Variants in OTOA observed in about 807,000 individuals in gnomAD.
The protein encoded by OTOA is otoancorin, also known as cancer/testis antigen 108.
A neutral mutation model predicts 110.8 loss-of-function variants in OTOA; 70 were observed. The observed-to-expected ratio is 0.63, with a 90% CI of 0.52 to 0.77. OTOA has a LOEUF of 0.77. OTOA is among the 30% of genes least tolerant of loss of function. OTOA has a pLI of 0.00. For synonymous variants in OTOA, 373 were observed against 431.5 expected, an observed-to-expected ratio of 0.86 and a Z score of 1.68; for missense variants, 917 against 1,075.8, an observed-to-expected ratio of 0.85 and a Z score of 2.06.
intron 1 of OTOA, among the ~76,000 whole-genome samples, chr16:21,674,508 A>C (rs1212942900): frequency 2.0e-5 from 3 of 151,856 alleles, no homozygotes; most frequent in African/African-American, 7.3e-5. Context: ...TAATATTTGT[A>C]TTTTTAGTAG....
At position 21,728,371 on chromosome 16, in the gene OTOA, G is replaced by T; in HGVS notation, c.2147G>T (p.Cys716Phe). The T allele has an allele frequency of 1.2e-6, 2 of 1,614,134 alleles. No individual in the cohort carries two copies. The highest frequency in any genetic ancestry group is 1.7e-6 in the Non-Finnish European group (2 of 1,180,008). The change falls in exon 20 of 29, where the codon TGC (cysteine) becomes TTC (phenylalanine). Residue 716 changes from cysteine to phenylalanine, a missense_variant. Physicochemically the swap from Cys to Phe is radical, Grantham distance 205. This residue lies in a region of OTOA where 840 missense variants were observed against 910.2 expected (regional missense o/e 0.92). Coordinates refer to ENST00000646100, the MANE Select transcript of OTOA (RefSeq NM_144672.4). ...WATALHGLRD[C>F]PDLNPEQKAA... Reference sequence around the variant, plus strand: ...ACTGCTCTACACGGCCTCAGAGACTGCCCAGACCTCAACCCTGAGCAAAAG... The same window carrying T: ...ACTGCTCTACACGGCCTCAGAGACTTCCCAGACCTCAACCCTGAGCAAAAG...
In OTOA at chr16:21,760,632, G is replaced by A; in HGVS notation, c.*92G>A. 8.6e-7 allele frequency: 1 copy of A among 1,157,626 alleles called. No homozygotes were observed. The highest frequency in any genetic ancestry group is 1.3e-6 in the Non-Finnish European group (1 of 794,756). The allele number at this position is 1,157,626 out of a possible 1,614,324, so 71.7% of individuals were successfully genotyped here. A position where few individuals can be genotyped will look rare whatever the true frequency, so the allele number is the denominator to read the frequency against. On this transcript the variant is annotated 3_prime_UTR_variant, in exon 29 of 29. Coordinates refer to ENST00000646100, the MANE Select transcript of OTOA (RefSeq NM_144672.4). The stretch of plus-strand genomic sequence containing the variant: ...CCAGATGGTGGGACACCCTTCCCTG[G>A]ATCCAGACCCTCATCTAGGGCAGGG...
Position 21,681,798 on chromosome 16 carries a change from T to A in OTOA, c.240T>A (p.Asn80Lys). 1 of 1,614,074 alleles carries A rather than the reference T, an allele frequency of 6.2e-7. No homozygotes were observed. Among genetic ancestry groups the A allele is most frequent in the Non-Finnish European group, 8.5e-7 (1 of 1,179,964 alleles). Residue 80 changes from asparagine (N) to lysine (K), a missense_variant, in exon 6 of 29, where the codon AAT becomes AAA. Asn to Lys is a moderately conservative substitution (Grantham distance 94). Around this residue, in one of 6 missense-constraint regions of OTOA, gnomAD observed 840 missense variants for 910.2 expected, o/e 0.92. Transcript: ENST00000646100. ...HRVLAYLNSR[N>K]VAFTIPSLQA... ...TCCTGGCCTATCTGAATTCCCGGAA[T>A]GTTGCCTTCACCATCCCCAGCCTGC... is the stretch of plus-strand genomic sequence containing the variant.
At chr16:21,707,129 T>C (rs1597826603) in intron 12 of OTOA, among the ~76,000 whole-genome samples, 1 of 152,074 alleles carries the variant, frequency 6.6e-6, no homozygotes, top group East Asian at 1.9e-4. Context: ...CCTCCCAAAG[T>C]ACTGGGATTA....
At chr16:21,684,612 C>T in intron 6 of OTOA, 1 of 1,404,902 alleles carries the variant, frequency 7.1e-7, no homozygotes, top group East Asian at 2.5e-5. Context: ...CAACAAGCAG[C>T]TGTCCCTTGG....
At chr16:21,707,880 T>C (rs985580342) in intron 12 of OTOA, among the ~76,000 whole-genome samples, 1 of 149,488 alleles carries the variant, frequency 6.7e-6, no homozygotes, top group Non-Finnish European at 1.5e-5. Flanking sequence ...CTGCAACCTC[T>C]GCCTCCCAGG....
chr16:21,715,164 A>G lies in OTOA; in HGVS notation c.1488+12A>G, dbSNP rs747726713. ...GTATCCTCAGCAAGGTGAGAGGAAGATGTCTGGTGCTCAGCCACATGTCAC... is the reference window on the plus strand; with the variant it reads ...GTATCCTCAGCAAGGTGAGAGGAAGGTGTCTGGTGCTCAGCCACATGTCAC... On this transcript the variant is annotated intron_variant, in intron 14 of 28. Coordinates refer to ENST00000646100, the MANE Select transcript of OTOA (RefSeq NM_144672.4). 6.2e-7 allele frequency: 1 copy of G among 1,614,022 alleles called. No homozygotes were observed. The highest frequency in any genetic ancestry group is 1.1e-5 in the South Asian group (1 of 91,084).
At chr16:21,734,645 G>A (rs1291755629) in intron 21 of OTOA, among the ~76,000 whole-genome samples, 5 of 151,994 alleles carry the variant, frequency 3.3e-5, no homozygotes, top group Admixed American at 2.0e-4. Context: ...GACCGTCCTG[G>A]CTAAGAGGGT....
intron 9 of OTOA, among the ~76,000 whole-genome samples, chr16:21,695,889 ATAT>A (rs1294669927): frequency 3.1e-5 from 2 of 63,644 alleles, no homozygotes; most frequent in Admixed American, 4.1e-4. Context: ...ATATATATAT[ATAT>A]TTTTTTTTTT....
At chr16:21,666,261 T>TTTTTTTC (rs1966840163) in intron 1 of OTOA, among the ~76,000 whole-genome samples, 1 of 150,552 alleles carries the variant, frequency 6.6e-6, no homozygotes, top group African/African-American at 2.4e-5. Context: ...TTTTTTTTTT[T>TTTTTTTC]GGTGGAAAAT....
chr16:21,706,765 A>G (rs1898179379), intron 12 of OTOA, among the ~76,000 whole-genome samples: 1 of 152,052 alleles, frequency 6.6e-6, no homozygotes, highest in Non-Finnish European at 1.5e-5. Context: ...ACATCACCAT[A>G]AAGTCCCCAA....
Position 21,719,163 on chromosome 16 carries a change from A to C in OTOA, c.1660A>C (p.Thr554Pro). The C allele has an allele frequency of 6.2e-7, 1 of 1,614,040 alleles. No individual in the cohort carries two copies. The highest frequency in any genetic ancestry group is 8.5e-7 in the Non-Finnish European group (1 of 1,180,016). Residue 554 changes from threonine to proline, a missense_variant, in exon 16 of 29, where the codon ACC becomes CCC. This residue lies in a region of OTOA where 840 missense variants were observed against 910.2 expected (regional missense o/e 0.92). Coordinates refer to ENST00000646100, the MANE Select transcript of OTOA (RefSeq NM_144672.4). The stretch of plus-strand genomic sequence containing the variant: ...GTTCCTGTATGAGCTTCTGTTAAAG[A>C]CCACCAGAAGGCCTGAGGAGCTTTT... ...ALFLYELLLK[T>P]TRRPEELLSA...
intron 1 of OTOA, among the ~76,000 whole-genome samples, chr16:21,669,411 T>A (rs1966846201): frequency 6.6e-6 from 1 of 151,876 alleles, no homozygotes; most frequent in Non-Finnish European, 1.5e-5. Context: ...ACTGACTATC[T>A]CTGTTTAGAT....
intron 18 of OTOA, among the ~76,000 whole-genome samples, chr16:21,725,294 T>C (rs974321652): frequency 6.6e-6 from 1 of 152,050 alleles, no homozygotes; most frequent in Non-Finnish European, 1.5e-5. Context: ...TTTTTGTTGT[T>C]GTTGTTTTGA....
At chr16:21,737,891 G>T (rs1440821861) in intron 22 of OTOA, among the ~76,000 whole-genome samples, 1 of 152,308 alleles carries the variant, frequency 6.6e-6, no homozygotes, top group African/African-American at 2.4e-5. Flanking sequence ...AGGAGACAAA[G>T]TTAATCACCC....
chr16:21,665,666 T>G (rs1458037753), intron 1 of OTOA, among the ~76,000 whole-genome samples: 3 of 152,028 alleles, frequency 2.0e-5, no homozygotes, highest in Non-Finnish European at 4.4e-5. Flanking sequence ...CTTCCTTTCT[T>G]TCCTTCTTTT....
At chr16:21,703,981 G>A (rs1327286806) in intron 11 of OTOA, among the ~76,000 whole-genome samples, 1 of 152,146 alleles carries the variant, frequency 6.6e-6, no homozygotes, top group Non-Finnish European at 1.5e-5. Flanking sequence ...CCCTGTCTCT[G>A]TACAGTATGG....
intron 10 of OTOA, among the ~76,000 whole-genome samples, chr16:21,698,636 T>C (rs1418861331): frequency 2.6e-5 from 4 of 152,126 alleles, no homozygotes; most frequent in South Asian, 4.1e-4. Flanking sequence ...CAAGGACCCA[T>C]TGACCCAGCA....
intron 1 of OTOA, among the ~76,000 whole-genome samples, chr16:21,665,017 C>T (rs575403033): frequency 1.4e-4 from 20 of 142,828 alleles, no homozygotes; most frequent in African/African-American, 3.9e-4. Context: ...AATAAATAAA[C>T]AAATAAAGTT....
Sources: allele counts gnomAD v4.1 joint callset (sites outside exome capture counted in the v4.1 genomes callset), GRCh38; gene constraint gnomAD v4.1.1; regional missense constraint gnomAD v4.1.1; transcripts MANE v1.5; gene names NCBI Gene and HGNC (gene_info 2026-07-23, HGNC 2026-07-21).